RICTOR: variants seen among roughly 807,000 people sequenced by gnomAD.
The protein encoded by RICTOR is rapamycin-insensitive companion of mTOR.
Under a neutral mutation model 214.9 loss-of-function variants are expected in RICTOR, and 49 were observed. The ratio of observed to expected loss-of-function variants is 0.23; its 90% CI spans 0.18 to 0.29. The LOEUF is 0.29. Among genes scored for constraint, RICTOR ranks in the 10% least tolerant of loss-of-function variants. RICTOR has a pLI of 1.00. For missense variants in RICTOR, 1,625 were observed against 2,047.0 expected, an observed-to-expected ratio of 0.79 and a Z score of 3.98; for synonymous variants, 717 against 711.3, an observed-to-expected ratio of 1.01 and a Z score of -0.13.
At position 39,055,095 on chromosome 5, in the gene RICTOR, A is replaced by G. The variant is rs946341380; in HGVS notation, c.97+19016T>C. Among the ~76,000 whole-genome samples, 4 of 152,198 alleles carry G rather than the reference A, an allele frequency of 2.6e-5. No individual in the cohort carries two copies. In the East Asian group the frequency reaches 7.7e-4, roughly 29 times the overall value. On this transcript the variant is annotated intron_variant, in intron 2 of 37. Transcript: ENST00000357387. The stretch of plus-strand genomic sequence containing the variant: ...ATGAAGTGCCTGCTCCAAGGGCTAC[A>G]GTCTATTGTCCAAGGGGCAGAGTGA...
chr5:39,007,871 A>G (rs965027047), intron 3 of RICTOR, among the ~76,000 whole-genome samples: 98 of 150,254 alleles, frequency 6.5e-4, no homozygotes, highest in African/African-American at 2.3e-3. Flanking sequence ...TATTTTAAAT[A>G]TTATTATATA....
chr5:39,046,244 G>A (rs968660294), intron 2 of RICTOR, among the ~76,000 whole-genome samples: 4 of 150,884 alleles, frequency 2.7e-5, no homozygotes, highest in South Asian at 2.1e-4. Flanking sequence ...TACGCCTGTC[G>A]TCCCAGCTAC....
intron 7 of RICTOR, among the ~76,000 whole-genome samples, chr5:38,990,716 A>ATATATC (rs760128991): frequency 1.8e-4 from 4 of 22,650 alleles, no homozygotes; most frequent in African/African-American, 7.2e-4. Flanking sequence ...TATGATATAT[A>ATATATC]TGATATATAT....
intron 3 of RICTOR, among the ~76,000 whole-genome samples, chr5:39,004,846 A>G (rs1185740227): frequency 7.0e-6 from 1 of 142,418 alleles, no homozygotes; most frequent in African/African-American, 2.6e-5. Flanking sequence ...CAATGGTGCA[A>G]TCTCAGCTCA....
rs184996249 is a variant in RICTOR, at chr5:39,072,913, T to C, written c.97+1198A>G. Among the ~76,000 whole-genome samples, 331 of 152,372 alleles carry C rather than the reference T, an allele frequency of 2.2e-3. 1 individual carries two copies. Among genetic ancestry groups the C allele is most frequent in the African/African-American group, 7.7e-3 (319 of 41,586 alleles). On this transcript the variant is annotated intron_variant, in intron 2 of 37. Coordinates refer to ENST00000357387, the MANE Select transcript of RICTOR (RefSeq NM_152756.5). ...AATAAAATATTAAGTTATAAAAATGTACTCTTGTAGCTAAGTGAAAGCTGA... is the reference window on the plus strand; with the variant it reads ...AATAAAATATTAAGTTATAAAAATGCACTCTTGTAGCTAAGTGAAAGCTGA...
At chr5:38,975,455 G>C (rs1255126856) in intron 10 of RICTOR, 82 bp downstream of exon 10, 2 of 906,888 alleles carry the variant, frequency 2.2e-6, no homozygotes, top group African/African-American at 1.6e-5. Context: ...TCTGAATTAG[G>C]TGCTACAATA....
chr5:38,963,192 C>T (rs1749939975), intron 16 of RICTOR, 151 bp from the exon 17 acceptor site: 3 of 540,430 alleles, frequency 5.6e-6, no homozygotes, highest in Non-Finnish European at 9.5e-6. Flanking sequence ...GAGACAAATA[C>T]AAAAAATAAC....
intron 34 of RICTOR, 46 bp from the exon 35 acceptor site, chr5:38,945,114 AATTCCT>A: frequency 7.5e-7 from 1 of 1,328,682 alleles, no homozygotes; most frequent in Non-Finnish European, 1.1e-6. Context: ...ATAACGGCTT[AATTCCT>A]GTGCTTACAT....
chr5:39,034,175 T>C (rs1203645896), intron 2 of RICTOR, among the ~76,000 whole-genome samples: 1 of 152,262 alleles, frequency 6.6e-6, no homozygotes, highest in Non-Finnish European at 1.5e-5. Context: ...TTAAAAGCCA[T>C]GTCTTTAATT....
Position 38,964,858 on chromosome 5 carries a change from T to C in RICTOR, c.1334A>G (p.His445Arg), listed in dbSNP as rs774808071. 7 of 1,608,558 alleles carry C rather than the reference T, an allele frequency of 4.4e-6. No individual in the cohort carries two copies. The highest frequency in any genetic ancestry group is 6.0e-6 in the Non-Finnish European group (7 of 1,176,230). ...CATTAGGGTTGGCAAGCAGTGTAAA[T>C]GATGGCTATGTGAATGAGGAAGAAT... ...NTILPHSHSH[H>R]LHCLPTLMNM... is the part of the protein sequence containing the mutation. Residue 445 changes from histidine to arginine, a missense_variant, in exon 16 of 38, where the codon CAT becomes CGT. His to Arg is a conservative substitution (Grantham distance 29, BLOSUM62 0). This residue lies in a region of RICTOR where 1,214 missense variants were observed against 1,470.5 expected (regional missense o/e 0.83). Transcript: ENST00000357387.
intron 2 of RICTOR, among the ~76,000 whole-genome samples, chr5:39,031,163 T>C (rs1278389132): frequency 1.3e-5 from 2 of 152,190 alleles, no homozygotes; most frequent in Non-Finnish European, 1.5e-5. Context: ...TGTCTAAATA[T>C]ATTTCCATTT....
chr5:39,002,398 GTGTATA>G (rs774429666), intron 5 of RICTOR, 131 bp downstream of exon 5: 16 of 468,028 alleles, frequency 3.4e-5, no homozygotes, highest in Non-Finnish European at 5.2e-5. Flanking sequence ...GTGTGTGTGT[GTGTATA>G]TATATATATA....
In RICTOR at chr5:38,960,453, T is replaced by A. The variant is rs754361699; in HGVS notation, c.1796A>T (p.Lys599Ile). The A allele has an allele frequency of 1.2e-6, 2 of 1,613,978 alleles. No homozygotes were observed. The highest frequency in any genetic ancestry group is 1.7e-6 in the Non-Finnish European group (2 of 1,179,842). The change falls in exon 20 of 38, where the codon AAA becomes ATA. Residue 599 changes from lysine to isoleucine, a missense_variant. By Grantham distance (102) the Lys-to-Ile change is moderately radical. Coordinates refer to ENST00000357387, the MANE Select transcript of RICTOR (RefSeq NM_152756.5). ...ANLDLDFAKA[K>I]QLTVVGCQFT... ...CTGGCAACCTACAACCGTGAGCTGT[T>A]TGGCCTTGGCAAAATCCAGATCCAG...
chr5:38,959,970 T>C lies in RICTOR; in HGVS notation c.1860A>G (p.Gln620=), dbSNP rs763178855. The change falls in exon 21 of 38, where the codon CAA becomes CAG. Residue 620 remains glutamine (Q), a synonymous_variant. Transcript: ENST00000357387. The part of the protein sequence containing the change: ...EFLLESEEDG[Q]GYLEDLVKDI... ...CCTTTACTAGATCTTCTAAGTAGCC[T>C]TGCCCATCCTAAAAGTAAATACATT... 1 of 1,603,206 alleles carries C rather than the reference T, an allele frequency of 6.2e-7. No individual in the cohort carries two copies. The highest frequency in any genetic ancestry group is 1.1e-5 in the South Asian group (1 of 90,840).
chr5:38,966,760 A>G (rs373872859), intron 14 of RICTOR, 39 bp from the exon 15 acceptor site: 1 of 1,107,394 alleles, frequency 9.0e-7, no homozygotes, highest in African/African-American at 1.6e-5. Context: ...TTGCAAAATA[A>G]TACATATGAA....
chr5:39,051,164 G>A (rs992065290), intron 2 of RICTOR, among the ~76,000 whole-genome samples: 3 of 151,766 alleles, frequency 2.0e-5, no homozygotes, highest in African/African-American at 7.3e-5. Context: ...TCATATACAA[G>A]ACTATACATA....
intron 27 of RICTOR, among the ~76,000 whole-genome samples, chr5:38,954,035 A>G (rs1749023163): frequency 6.6e-6 from 1 of 151,896 alleles, no homozygotes; most frequent in Admixed American, 6.6e-5. Context: ...ATATGAAAAT[A>G]CTTGTCCCAA....
At chr5:38,943,016 T>C (rs969099161) in intron 36 of RICTOR, 45 bp from the exon 37 acceptor site, 2 of 1,437,124 alleles carry the variant, frequency 1.4e-6, no homozygotes, top group Non-Finnish European at 2.0e-6. Flanking sequence ...AATCATGATG[T>C]ATCTATTTTT....
In RICTOR at chr5:39,048,101, T is replaced by C. The variant is rs868606899; in HGVS notation, c.97+26010A>G. Among the ~76,000 whole-genome samples, 10 of 152,312 alleles carry C rather than the reference T, an allele frequency of 6.6e-5. 2 individuals are homozygous for C. In the Middle Eastern group the frequency reaches 0.024, roughly 363 times the overall value. ...AAGGGCTTCTGGCCCTAAGAACAACTACCTGGCTACCAAAGTGTAGCTGTG... is the reference window on the plus strand; with the variant it reads ...AAGGGCTTCTGGCCCTAAGAACAACCACCTGGCTACCAAAGTGTAGCTGTG... On this transcript the variant is annotated intron_variant, in intron 2 of 37. Coordinates refer to ENST00000357387, the MANE Select transcript of RICTOR (RefSeq NM_152756.5).
Sources: allele counts gnomAD v4.1 joint callset (sites outside exome capture counted in the v4.1 genomes callset), GRCh38; gene constraint gnomAD v4.1.1; regional missense constraint gnomAD v4.1.1; transcripts MANE v1.5; gene names NCBI Gene and HGNC (gene_info 2026-07-23, HGNC 2026-07-21).